The following MTARC1 variants were observed in gnomAD, a reference collection of about 807,000 sequenced individuals.
The protein encoded by MTARC1 is mitochondrial amidoxime-reducing component 1.
In MTARC1, 24 loss-of-function variants were observed where a neutral mutation model predicts 33.6. The ratio of observed to expected loss-of-function variants is 0.72; its 90% confidence interval spans 0.52 to 1.01. The LOEUF is 1.01. Among genes scored for constraint, MTARC1 ranks in the 50% least tolerant of loss-of-function variants. MTARC1 has a pLI of 0.00. For synonymous variants in MTARC1, 187 were observed against 189.5 expected (o/e 0.99, Z 0.11); for missense variants, 417 against 445.7 (o/e 0.94, Z 0.58).
At chr1:220,801,120 C>G (rs1024687820) in intron 4 of MTARC1, among the ~76,000 whole-genome samples, 3 of 152,174 alleles carry the variant, frequency 2.0e-5, no homozygotes, top group Admixed American at 6.5e-5. Context: ...AGATGGGATC[C>G]TTATGGATTG....
chr1:220,791,627 A>G lies in MTARC1; in HGVS notation c.412A>G (p.Ile138Val), dbSNP rs1450684287. Residue 138 changes from isoleucine to valine, a missense_variant, in exon 2 of 7, where the codon ATC becomes GTC. Transcript: ENST00000366910. The stretch of plus-strand genomic sequence containing the variant: ...CTACACAAAGGACCTACTACTGCCT[A>G]TCAAAACGCCCACCACAAATGCAGT... ...AAYTKDLLLP[I>V]KTPTTNAVHK... 1.9e-6 allele frequency: 3 copies of G among 1,614,152 alleles called. 1 individual carries two copies. The Admixed American group carries it at 5.0e-5, about 27-fold the overall frequency.
rs1673289971 is a variant in MTARC1, at chr1:220,816,763, T to C, written c.*3345T>C. On this transcript the variant is annotated 3_prime_UTR_variant, in exon 7 of 7. Coordinates refer to ENST00000366910, the MANE Select transcript of MTARC1 (RefSeq NM_022746.4). Reference sequence around the variant, plus strand: ...AGACCTATCTTGGGACACTTCCCCTTGTCCTCTCCCTTGCCCCTCTTGCTG... The same window carrying C: ...AGACCTATCTTGGGACACTTCCCCTCGTCCTCTCCCTTGCCCCTCTTGCTG... 1 of 152,350 alleles carries C rather than the reference T, an allele frequency of 6.6e-6. No homozygotes were observed. Among genetic ancestry groups the C allele is most frequent in the Admixed American group, 6.5e-5 (1 of 15,286 alleles). The allele number at this position is 152,350 out of a possible 1,614,324, so 9.4% of individuals were successfully genotyped here.
chr1:220,804,553 T>C (rs1672911944), intron 4 of MTARC1, among the ~76,000 whole-genome samples: 1 of 152,130 alleles, frequency 6.6e-6, no homozygotes, highest in Non-Finnish European at 1.5e-5. Flanking sequence ...GGAATGAGGC[T>C]GCTGGTCCTG....
At chr1:220,789,392 T>A (rs1327943715) in intron 1 of MTARC1, among the ~76,000 whole-genome samples, 1 of 152,148 alleles carries the variant, frequency 6.6e-6, no homozygotes, top group African/African-American at 2.4e-5. Flanking sequence ...AGAATTGTCT[T>A]GGGCCACACA....
intron 4 of MTARC1, among the ~76,000 whole-genome samples, chr1:220,804,466 G>T (rs1338761131): frequency 6.6e-6 from 1 of 152,138 alleles, no homozygotes; most frequent in East Asian, 1.9e-4. Flanking sequence ...GTTTGTCGTG[G>T]AAACTAGGCT....
intron 6 of MTARC1, chr1:220,808,913 G>T (rs913311336): frequency 1.7e-5 from 8 of 471,010 alleles, no homozygotes; most frequent in African/African-American, 1.6e-4. Flanking sequence ...GGAGTCTGCC[G>T]TTGTTGCTTC....
rs1673225543 is a variant in MTARC1, at chr1:220,814,192, C to T, written c.*774C>T. The T allele has an allele frequency of 6.6e-6, 1 of 152,308 alleles. No individual in the cohort carries two copies. Among genetic ancestry groups the T allele is most frequent in the Non-Finnish European group, 1.5e-5 (1 of 68,042 alleles). The allele number at this position is 152,308 out of a possible 1,614,324, so 9.4% of individuals were successfully genotyped here. ...TGATTCAGTGATTTCAGATAGACTA[C>T]TGAAAACCTTTAAAGGGGGAAAAGG... On this transcript the variant is annotated 3_prime_UTR_variant, in exon 7 of 7. Transcript: ENST00000366910.
rs1421086272 is a variant in MTARC1, at chr1:220,813,484, A to T, written c.*66A>T. 3 of 1,589,596 alleles carry T rather than the reference A, an allele frequency of 1.9e-6. No homozygotes were observed. Among genetic ancestry groups the T allele is most frequent in the Non-Finnish European group, 8.6e-7 (1 of 1,163,180 alleles). ...ATGTTCTCAAAAATGACAACACTTGAAGCATGGTGTTTCAGAACTGAGACC... is the reference window on the plus strand; with the variant it reads ...ATGTTCTCAAAAATGACAACACTTGTAGCATGGTGTTTCAGAACTGAGACC... On this transcript the variant is annotated 3_prime_UTR_variant, in exon 7 of 7. Transcript: ENST00000366910.
intron 6 of MTARC1, among the ~76,000 whole-genome samples, chr1:220,810,205 A>T (rs1349073277): frequency 6.6e-6 from 1 of 152,236 alleles, no homozygotes; most frequent in Non-Finnish European, 1.5e-5. Context: ...GAAAAGTCAC[A>T]TATTTAAAAA....
At chr1:220,807,950 C>T (rs1242267740) in intron 6 of MTARC1, among the ~76,000 whole-genome samples, 1 of 152,090 alleles carries the variant, frequency 6.6e-6, no homozygotes, top group Non-Finnish European at 1.5e-5. Context: ...TGTGCTCCTA[C>T]CCCTGCCCGC....
At chr1:220,803,694 G>T (rs987778375) in intron 4 of MTARC1, among the ~76,000 whole-genome samples, 3 of 149,180 alleles carry the variant, frequency 2.0e-5, no homozygotes, top group African/African-American at 7.4e-5. Context: ...ATCTCCAGTA[G>T]TTTTTTTTTT....
chr1:220,787,022 C>T lies in MTARC1; in HGVS notation c.78C>T (p.Ala26=). The T allele has an allele frequency of 1.5e-6, 2 of 1,319,078 alleles. No individual in the cohort carries two copies. Among genetic ancestry groups the T allele is most frequent in the Non-Finnish European group, 1.9e-6 (2 of 1,042,342 alleles). 81.7% of individuals were successfully genotyped at this position (1,319,078 alleles called of 1,614,324 possible). ...CCCGGCCCGGGTGGCTCGGGGTTGC[C>T]GCGCTGGGCCTGACCGCGGTGGCGC... The part of the protein sequence containing the change: ...AQSRPGWLGV[A]ALGLTAVALG... Residue 26 remains alanine (A), a synonymous_variant, in exon 1 of 7, where the codon GCC becomes GCT. Transcript: ENST00000366910.
In MTARC1 at chr1:220,791,594, A is replaced by C. The variant is rs1273144648; in HGVS notation, c.379A>C (p.Ser127Arg). The C allele has an allele frequency of 6.2e-7, 1 of 1,614,148 alleles. No individual in the cohort carries two copies. The part of the protein sequence containing the change: ...LTCDGDTLTL[S>R]AAYTKDLLLP... ...CTGCGATGGTGACACCCTGACTCTC[A>C]GTGCAGCCTACACAAAGGACCTACT... Residue 127 changes from serine to arginine, a missense_variant, in exon 2 of 7, where the codon AGT becomes CGT. Physicochemically the swap from Ser to Arg is moderately radical, Grantham distance 110 (BLOSUM62 -1). Transcript: ENST00000366910.
At chr1:220,795,190 C>A (rs1179490020) in intron 2 of MTARC1, among the ~76,000 whole-genome samples, 1 of 152,144 alleles carries the variant, frequency 6.6e-6, no homozygotes, top group Non-Finnish European at 1.5e-5. Context: ...GTCATTACTA[C>A]CTACTGAGCA....
intron 4 of MTARC1, among the ~76,000 whole-genome samples, chr1:220,801,350 C>A (rs1005143377): frequency 6.6e-6 from 1 of 152,164 alleles, no homozygotes; most frequent in Non-Finnish European, 1.5e-5. Flanking sequence ...ACCCAGCCCC[C>A]CCCACAGCAC....
chr1:220,812,216 G>A (rs988691682), intron 6 of MTARC1, among the ~76,000 whole-genome samples: 1 of 152,230 alleles, frequency 6.6e-6, no homozygotes, highest in Admixed American at 6.5e-5. Context: ...GCAGAGAGCT[G>A]CAGAGGCACA....
At chr1:220,788,413 A>C (rs567512597) in intron 1 of MTARC1, among the ~76,000 whole-genome samples, 6 of 152,342 alleles carry the variant, frequency 3.9e-5, no homozygotes, top group African/African-American at 1.4e-4. Context: ...AGCTCCCCAG[A>C]CAGAGGGCAA....
chr1:220,806,336 G>A (rs1672972617), intron 6 of MTARC1, among the ~76,000 whole-genome samples: 1 of 152,228 alleles, frequency 6.6e-6, no homozygotes, highest in Admixed American at 6.5e-5. Context: ...CTTTGTGTAA[G>A]ACCCTTCCTT....
At chr1:220,796,978 CTTTGTTTGGGGGACTCTTG>C in intron 3 of MTARC1, among the ~76,000 whole-genome samples, 173 bp downstream of exon 3, 1 of 152,306 alleles carries the variant, frequency 6.6e-6, no homozygotes, top group South Asian at 2.1e-4. Context: ...TTGTTTGTTT[CTTTGTTTGGGGGACTCTTG>C]AATTTTTGCC....
Sources: gnomAD v4.1 joint callset for allele counts (sites outside exome capture counted in the v4.1 genomes callset) on GRCh38, gnomAD v4.1.1 for gene constraint, MANE v1.5 for transcripts, NCBI Gene and HGNC (gene_info 2026-07-23, HGNC 2026-07-21) for gene names.